The following DACH1 variants were observed in gnomAD, a reference collection of about 807,000 sequenced individuals.
DACH1 encodes the protein dachshund homolog 1.
A neutral mutation model predicts 54.2 loss-of-function variants in DACH1; 12 were observed. That is an observed-to-expected ratio of 0.22 (90% CI 0.14 to 0.36). The LOEUF is 0.36. Ranked by LOEUF, DACH1 falls within the 10% of genes least tolerant of loss-of-function variation. DACH1 has a pLI of 1.00. For missense variants in DACH1, 805 were observed against 929.8 expected, an observed-to-expected ratio of 0.87 and a Z score of 1.75; for synonymous variants, 386 against 366.2, an observed-to-expected ratio of 1.05 and a Z score of -0.62.
intron 1 of DACH1, among the ~76,000 whole-genome samples, chr13:71,744,171 C>A (rs1046745714): frequency 1.3e-5 from 2 of 152,108 alleles, no homozygotes; most frequent in East Asian, 1.9e-4. Flanking sequence ...AAGGTTGAAC[C>A]ATTTGATGAT....
chr13:71,442,013 T>A (rs1167571475), intron 10 of DACH1, among the ~76,000 whole-genome samples: 1 of 152,110 alleles, frequency 6.6e-6, no homozygotes, highest in Admixed American at 6.6e-5. Context: ...GGGGTGTCTA[T>A]CACCTCAAAC....
chr13:71,641,484 G>A (rs537621935), intron 2 of DACH1, among the ~76,000 whole-genome samples: 1 of 152,250 alleles, frequency 6.6e-6, no homozygotes, highest in East Asian at 1.9e-4. Flanking sequence ...TACAAGGTAA[G>A]TGTTTTCCTC....
At chr13:71,602,998 C>T (rs867861805) in intron 3 of DACH1, among the ~76,000 whole-genome samples, 3 of 151,872 alleles carry the variant, frequency 2.0e-5, no homozygotes, top group East Asian at 1.9e-4. Flanking sequence ...TATTCAATTA[C>T]GTTGCTTTCT....
At chr13:71,644,479 A>G (rs575883922) in intron 2 of DACH1, among the ~76,000 whole-genome samples, 1 of 152,184 alleles carries the variant, frequency 6.6e-6, no homozygotes. Context: ...CTTCCACGCC[A>G]CAGTATAAAT....
intron 2 of DACH1, among the ~76,000 whole-genome samples, chr13:71,637,440 G>A (rs936464386): frequency 6.6e-6 from 1 of 152,084 alleles, no homozygotes; most frequent in Non-Finnish European, 1.5e-5. Context: ...AACAGCATAG[G>A]GTGAGAATGT....
At chr13:71,681,134 A>G (rs1249534594) in intron 2 of DACH1, among the ~76,000 whole-genome samples, 8 of 152,126 alleles carry the variant, frequency 5.3e-5, no homozygotes, top group East Asian at 3.8e-4. Context: ...ATGGGCAAAC[A>G]TATGTTTATG....
chr13:71,822,560 C>CT (rs1245770617), intron 1 of DACH1, among the ~76,000 whole-genome samples: 2 of 152,108 alleles, frequency 1.3e-5, no homozygotes, highest in Non-Finnish European at 2.9e-5. Context: ...CTAAAGCAAA[C>CT]TTTCCTCGAT....
At chr13:71,559,745 G>A (rs2138382127) in intron 5 of DACH1, 75 bp downstream of exon 5, 3 of 1,565,856 alleles carry the variant, frequency 1.9e-6, no homozygotes, top group East Asian at 2.2e-5. Flanking sequence ...TTTGGAATGA[G>A]GGCATGTTGA....
At chr13:71,489,717 C>A (rs767545419) in intron 6 of DACH1, among the ~76,000 whole-genome samples, 1 of 152,126 alleles carries the variant, frequency 6.6e-6, no homozygotes, top group Non-Finnish European at 1.5e-5. Flanking sequence ...CTGAATTATT[C>A]ATCATCATTA....
intron 3 of DACH1, among the ~76,000 whole-genome samples, chr13:71,588,069 T>C (rs755180139): frequency 9.9e-5 from 15 of 152,104 alleles, no homozygotes; most frequent in Non-Finnish European, 1.9e-4. Context: ...CAACACCACA[T>C]TTATTCTGAT....
At chr13:71,610,128 T>C in intron 3 of DACH1, among the ~76,000 whole-genome samples, 1 of 152,150 alleles carries the variant, frequency 6.6e-6, no homozygotes, top group South Asian at 2.1e-4. Flanking sequence ...GCAGTGGATG[T>C]GGTCATCTTC....
intron 10 of DACH1, among the ~76,000 whole-genome samples, chr13:71,457,651 C>T (rs745442953): frequency 6.6e-6 from 1 of 151,932 alleles, no homozygotes; most frequent in African/African-American, 2.4e-5. Context: ...TACTTTGCTT[C>T]GAAATGTTGC....
At chr13:71,523,617 T>G (rs960909592) in intron 6 of DACH1, among the ~76,000 whole-genome samples, 1 of 152,056 alleles carries the variant, frequency 6.6e-6, no homozygotes, top group Non-Finnish European at 1.5e-5. Flanking sequence ...CTCTTCCAAG[T>G]GATTTTTCTC....
chr13:71,615,003 C>A (rs993984705), intron 3 of DACH1, among the ~76,000 whole-genome samples: 6 of 151,522 alleles, frequency 4.0e-5, no homozygotes, highest in Admixed American at 6.6e-5. Flanking sequence ...TAACTAAAAT[C>A]ATGTAACATA....
intron 6 of DACH1, among the ~76,000 whole-genome samples, chr13:71,510,334 C>G (rs1305976854): frequency 6.6e-6 from 1 of 151,956 alleles, no homozygotes; most frequent in African/African-American, 2.4e-5. Context: ...TTAGCTCAGA[C>G]CTTTTGCCTG....
At chr13:71,829,156 G>T (rs1163671452) in intron 1 of DACH1, among the ~76,000 whole-genome samples, 1 of 151,728 alleles carries the variant, frequency 6.6e-6, no homozygotes, top group Non-Finnish European at 1.5e-5. Context: ...ATAGTTTGTG[G>T]TTCTATTTTA....
intron 1 of DACH1, among the ~76,000 whole-genome samples, chr13:71,736,877 G>T (rs1884150641): frequency 6.6e-6 from 1 of 152,276 alleles, no homozygotes; most frequent in Non-Finnish European, 1.5e-5. Flanking sequence ...CACAGATCCT[G>T]TCTTCTTAGA....
chr13:71,833,738 G>A (rs747105524), intron 1 of DACH1, among the ~76,000 whole-genome samples: 4 of 151,980 alleles, frequency 2.6e-5, no homozygotes, highest in Non-Finnish European at 5.9e-5. Flanking sequence ...ACAGTGTCAT[G>A]CAGTTTTGCC....
chr13:71,513,148 T>C (rs893393402), intron 6 of DACH1, among the ~76,000 whole-genome samples: 1 of 151,998 alleles, frequency 6.6e-6, no homozygotes, highest in Non-Finnish European at 1.5e-5. Context: ...TAGCAGTATG[T>C]ATTTGCATTC....
Sources: gnomAD v4.1 joint callset for allele counts (sites outside exome capture counted in the v4.1 genomes callset) on GRCh38, gnomAD v4.1.1 for gene constraint, MANE v1.5 for transcripts, NCBI Gene and HGNC (gene_info 2026-07-23, HGNC 2026-07-21) for gene names.